The following CDYL2 variants were observed in gnomAD, a reference collection of about 807,000 sequenced individuals.
CDYL2 encodes the protein chromodomain Y-like protein 2.
A neutral mutation model predicts 49.4 loss-of-function variants in CDYL2; 23 were observed. The observed-to-expected ratio is 0.47, with a 90% CI of 0.34 to 0.66. The LOEUF (loss-of-function observed/expected upper bound fraction) is 0.66, where lower values mean the gene tolerates loss of function less well. Ranked by LOEUF, CDYL2 falls within the 30% of genes least tolerant of loss-of-function variation. CDYL2 has a pLI of 0.01. For synonymous variants in CDYL2, 360 were observed against 268.8 expected, an observed-to-expected ratio of 1.34 and a Z score of -3.32; for missense variants, 678 against 656.4, an observed-to-expected ratio of 1.03 and a Z score of -0.36.
intron 1 of CDYL2, among the ~76,000 whole-genome samples, chr16:80,792,706 G>A (rs897960371): frequency 1.3e-5 from 2 of 152,098 alleles, no homozygotes; most frequent in African/African-American, 2.4e-5. Context: ...GGAGTATCAC[G>A]TATCCACCCA....
chr16:80,647,936 T>C (rs1038446703), intron 2 of CDYL2, among the ~76,000 whole-genome samples: 14 of 151,958 alleles, frequency 9.2e-5, no homozygotes, highest in African/African-American at 2.7e-4. Flanking sequence ...GGAATTAAGA[T>C]GGAAATTGAA....
chr16:80,784,816 C>G (rs1907381708), intron 1 of CDYL2, among the ~76,000 whole-genome samples: 1 of 152,148 alleles, frequency 6.6e-6, no homozygotes, highest in Admixed American at 6.5e-5. Flanking sequence ...TGGGCTGCCC[C>G]AAGAATATAT....
intron 1 of CDYL2, among the ~76,000 whole-genome samples, chr16:80,746,400 C>T (rs935964033): frequency 2.0e-5 from 3 of 152,180 alleles, no homozygotes; most frequent in Non-Finnish European, 1.5e-5. Flanking sequence ...CGAAATGTTC[C>T]ATTTGGCACC....
rs987125889 is a variant in CDYL2, at chr16:80,664,144, G to A, written c.616+20394C>T. 3.9e-5 allele frequency among the ~76,000 whole-genome samples: 6 copies of A among 152,196 alleles called. No individual in the cohort carries two copies. In the East Asian group the frequency reaches 9.7e-4, roughly 25 times the overall value. ...TTTCTTGCAACTCCCCTGCTCAAAAGTTCACATGCCTCCATCGTCTGGCCT... is the reference window on the plus strand; with the variant it reads ...TTTCTTGCAACTCCCCTGCTCAAAAATTCACATGCCTCCATCGTCTGGCCT... On this transcript the variant is annotated intron_variant, in intron 2 of 6. Transcript: ENST00000570137.
intron 2 of CDYL2, among the ~76,000 whole-genome samples, chr16:80,634,081 A>C (rs1159474443): frequency 1.2e-4 from 15 of 127,388 alleles, no homozygotes; most frequent in African/African-American, 5.9e-4. Context: ...ACCTCCGTCC[A>C]AAAAAAAAAA....
At chr16:80,643,457 C>T (rs948108612) in intron 2 of CDYL2, among the ~76,000 whole-genome samples, 1 of 152,252 alleles carries the variant, frequency 6.6e-6, no homozygotes, top group Admixed American at 6.5e-5. Context: ...CACAGCTCCA[C>T]TAGGCGGTGC....
In CDYL2 at chr16:80,731,329, G is replaced by A. The variant is rs76017430; in HGVS notation, c.25-46200C>T. Among the ~76,000 whole-genome samples, 891 of 152,168 alleles carry A rather than the reference G, an allele frequency of 5.9e-3. 17 individuals are homozygous for A. The highest frequency in any genetic ancestry group is 0.037 in the East Asian group (192 of 5,168). ...TAAGACAGTAACACAATCAGAAGGA[G>A]TACAGGAGAGGAAATGCAAGAAATT... On this transcript the variant is annotated intron_variant, in intron 1 of 6. Coordinates refer to ENST00000570137, the MANE Select transcript of CDYL2 (RefSeq NM_152342.4).
chr16:80,612,317 G>T lies in CDYL2; in HGVS notation c.1218+309C>A, dbSNP rs1906634879. On this transcript the variant is annotated intron_variant, in intron 5 of 6. Coordinates refer to ENST00000570137, the MANE Select transcript of CDYL2 (RefSeq NM_152342.4). This position sits in a 1 kb window ranked among gnomAD's most constrained non-coding sequence, Gnocchi z 5.0. The stretch of plus-strand genomic sequence containing the variant: ...CAAGAGGATGAAGGCAAGTTTTGTT[G>T]TTAAAGCCACTGAGACCGTGGGCTG... Among the ~76,000 whole-genome samples the T allele has an allele frequency of 6.6e-6, 1 of 152,240 alleles. No homozygotes were observed. The highest frequency in any genetic ancestry group is 2.4e-5 in the African/African-American group (1 of 41,458).
chr16:80,631,358 A>C (rs1907552760), intron 3 of CDYL2, among the ~76,000 whole-genome samples: 1 of 152,200 alleles, frequency 6.6e-6, no homozygotes, highest in African/African-American at 2.4e-5. Flanking sequence ...TCTTGTAGGA[A>C]AAGGCTGCTT....
chr16:80,630,050 G>C (rs1288261141), intron 3 of CDYL2, among the ~76,000 whole-genome samples: 2 of 152,198 alleles, frequency 1.3e-5, no homozygotes, highest in African/African-American at 2.4e-5. Flanking sequence ...TTGGAAGCCA[G>C]GTCTGCTAGA....
At chr16:80,713,649 C>G (rs1272403043) in intron 1 of CDYL2, among the ~76,000 whole-genome samples, 3 of 152,144 alleles carry the variant, frequency 2.0e-5, no homozygotes, top group African/African-American at 4.8e-5. Flanking sequence ...AATAATGTGA[C>G]CTTGCTCCGC....
chr16:80,704,790 C>T (rs920888746), intron 1 of CDYL2, among the ~76,000 whole-genome samples: 2 of 152,174 alleles, frequency 1.3e-5, no homozygotes, highest in East Asian at 1.9e-4. Context: ...AGAAAGGCCA[C>T]GTGGCTGAAG....
chr16:80,734,730 G>A (rs1905456066), intron 1 of CDYL2, among the ~76,000 whole-genome samples: 1 of 152,158 alleles, frequency 6.6e-6, no homozygotes, highest in Non-Finnish European at 1.5e-5. Flanking sequence ...GCTTAGGAAT[G>A]CATTCTAGGA....
Sources: allele counts gnomAD v4.1 joint callset (sites outside exome capture counted in the v4.1 genomes callset), GRCh38; gene constraint gnomAD v4.1.1; non-coding constraint Gnocchi (gnomAD v3.1); transcripts MANE v1.5; gene names NCBI Gene and HGNC (gene_info 2026-07-23, HGNC 2026-07-21).